The following PIEZO2 variants were observed in gnomAD, a reference collection of about 807,000 sequenced individuals.
PIEZO2 encodes the protein piezo type mechanosensitive ion channel component 2.
A neutral mutation model predicts 337.3 loss-of-function variants in PIEZO2; 172 were observed. The ratio of observed to expected loss-of-function variants is 0.51; its 90% CI spans 0.45 to 0.58. The LOEUF (loss-of-function observed/expected upper bound fraction) is 0.58, where lower values mean the gene tolerates loss of function less well. Ranked by LOEUF, PIEZO2 falls within the 20% of genes least tolerant of loss-of-function variation. The pLI is 0.00. For synonymous variants in PIEZO2, 1,251 were observed against 1,228.5 expected (o/e 1.02, Z -0.38); for missense variants, 3,028 against 3,391.3 (o/e 0.89, Z 2.66).
At position 10,784,629 on chromosome 18, in the gene PIEZO2, CAT is replaced by C. The variant is rs60293448; in HGVS notation, c.2492+153_2492+154del. 0.012 allele frequency among the ~76,000 whole-genome samples: 1,805 copies of C among 152,332 alleles called. 37 individuals carry two copies. The highest frequency in any genetic ancestry group is 0.042 in the African/African-American group (1,733 of 41,562). The stretch of plus-strand genomic sequence containing the variant: ...TCAGAACGTGTCACAGAATCTTCCA[CAT>C]GTTTTCCTCTTTTTCTCACAAGCTG... On this transcript the variant is annotated intron_variant, in intron 17 of 55. Transcript: ENST00000674853. The surrounding 1 kb of genome is among the most constrained non-coding windows in gnomAD (Gnocchi z 4.5).
At chr18:10,975,315 C>T (rs1221416965) in intron 3 of PIEZO2, among the ~76,000 whole-genome samples, 1 of 152,180 alleles carries the variant, frequency 6.6e-6, no homozygotes, top group Non-Finnish European at 1.5e-5. Context: ...TCTGTAATGA[C>T]ATAATTGAAA....
At chr18:10,957,548 C>T (rs944592303) in intron 3 of PIEZO2, among the ~76,000 whole-genome samples, 1 of 152,064 alleles carries the variant, frequency 6.6e-6, no homozygotes, top group Non-Finnish European at 1.5e-5. Flanking sequence ...AATGTAAAAT[C>T]TGAAATTGTA....
rs1433824085 is a variant in PIEZO2 at position 11,077,529 on chromosome 18, G to C, written c.65-11307C>G. On this transcript the variant is annotated intron_variant, in intron 1 of 55. Coordinates refer to ENST00000674853, the MANE Select transcript of PIEZO2 (RefSeq NM_001378183.1). The surrounding 1 kb of genome is among the most constrained non-coding windows in gnomAD (Gnocchi z 4.8). ...CACAAAAAAAGAAAAAACTAGCTGG[G>C]CATGGTGGTGCATGCCTATAGTCCC... Among the ~76,000 whole-genome samples, 52 of 152,136 alleles carry C rather than the reference G, an allele frequency of 3.4e-4. No individual in the cohort carries two copies. Among genetic ancestry groups the C allele is most frequent in the Admixed American group, 3.4e-3 (52 of 15,270 alleles).
intron 3 of PIEZO2, among the ~76,000 whole-genome samples, chr18:10,959,030 C>T (rs1165023421): frequency 1.3e-5 from 2 of 152,106 alleles, no homozygotes; most frequent in African/African-American, 4.8e-5. Flanking sequence ...ACAATGTCTA[C>T]CTATAACTGT....
At chr18:11,075,882 A>C (rs534156694) in intron 1 of PIEZO2, among the ~76,000 whole-genome samples, 1 of 144,358 alleles carries the variant, frequency 6.9e-6, no homozygotes, top group Admixed American at 7.4e-5. Context: ...TCTGCCTCCC[A>C]GGTTCATGCC....
Position 11,127,791 on chromosome 18 carries a change from G to GTGTGCA in PIEZO2, c.64+20733_64+20734insTGCACA. On this transcript the variant is annotated intron_variant, in intron 1 of 55. Transcript: ENST00000674853. This position sits in a 1 kb window ranked among gnomAD's most constrained non-coding sequence, Gnocchi z 4.5. ...ATATGATATATATGCATATACGTGT[G>GTGTGCA]TGTGTGTGTGCATGTGTGTGTGTGT... Among the ~76,000 whole-genome samples, 2 of 77,198 alleles carry GTGTGCA rather than the reference G, an allele frequency of 2.6e-5. No homozygotes were observed. Among genetic ancestry groups the GTGTGCA allele is most frequent in the African/African-American group, 1.3e-4 (2 of 15,824 alleles). 50.6% of individuals were successfully genotyped at this position (77,198 alleles called of 152,430 possible).
Position 10,945,299 on chromosome 18 carries a change from C to G in PIEZO2, c.287-34071G>C, listed in dbSNP as rs1422445989. Among the ~76,000 whole-genome samples the G allele has an allele frequency of 6.6e-6, 1 of 152,168 alleles. No individual in the cohort carries two copies. Among genetic ancestry groups the G allele is most frequent in the Non-Finnish European group, 1.5e-5 (1 of 68,032 alleles). On this transcript the variant is annotated intron_variant, in intron 3 of 55. Coordinates refer to ENST00000674853, the MANE Select transcript of PIEZO2 (RefSeq NM_001378183.1). The surrounding 1 kb of genome is among the most constrained non-coding windows in gnomAD (Gnocchi z 4.0). ...TGCTCAGGGGATCCTCCCACCTCAG[C>G]TTCCCAAAGTGCTGGGATTACAGAT...
intron 36 of PIEZO2, among the ~76,000 whole-genome samples, chr18:10,729,480 T>C (rs1325459537): frequency 6.6e-6 from 1 of 151,882 alleles, no homozygotes; most frequent in African/African-American, 2.4e-5. Context: ...CAAACATTGC[T>C]AGGCGTGGTG....
intron 4 of PIEZO2, among the ~76,000 whole-genome samples, chr18:10,879,675 G>C (rs762237530): frequency 8.5e-5 from 13 of 152,086 alleles, no homozygotes; most frequent in African/African-American, 3.1e-4. Flanking sequence ...GATTACAGGC[G>C]TGAGCCACCG....
At chr18:10,764,448 C>T (rs934989346) in intron 21 of PIEZO2, among the ~76,000 whole-genome samples, 7 of 151,894 alleles carry the variant, frequency 4.6e-5, no homozygotes, top group Non-Finnish European at 8.8e-5. Flanking sequence ...AAGACCGGCC[C>T]GGCCAAGATG....
chr18:10,830,177 A>G lies in PIEZO2; in HGVS notation c.918-22903T>C, dbSNP rs921268064. ...ACTTGCTTTTGACAAAGGTGCTAAG[A>G]ACATACACATGGGAAAGGACAGTCT... is the stretch of plus-strand genomic sequence containing the variant. On this transcript the variant is annotated intron_variant, in intron 7 of 55. Transcript: ENST00000674853. The surrounding 1 kb of genome is among the most constrained non-coding windows in gnomAD (Gnocchi z 4.7). Among the ~76,000 whole-genome samples, 21 of 152,204 alleles carry G rather than the reference A, an allele frequency of 1.4e-4. No homozygotes were observed. The highest frequency in any genetic ancestry group is 3.2e-3 in the Middle Eastern group (1 of 316).
In PIEZO2 at chr18:10,678,776, C is replaced by T. The variant is rs187564999; in HGVS notation, c.7953-901G>A. On this transcript the variant is annotated intron_variant, in intron 52 of 55. Transcript: ENST00000674853. ...CAAAGCAGGGGCCACGTGCTGGCCA[C>T]TGGCTCAGGCTGGGCAGAGAGGACT... Among the ~76,000 whole-genome samples the T allele has an allele frequency of 2.8e-4, 43 of 152,202 alleles. No individual in the cohort carries two copies. The East Asian group carries it at 7.7e-3, about 27-fold the overall frequency.
Position 11,035,559 on chromosome 18 carries a change from A to G in PIEZO2, c.160+30568T>C, listed in dbSNP as rs1019503938. Among the ~76,000 whole-genome samples, 1 of 152,206 alleles carries G rather than the reference A, an allele frequency of 6.6e-6. No homozygotes were observed. The highest frequency in any genetic ancestry group is 6.5e-5 in the Admixed American group (1 of 15,284). On this transcript the variant is annotated intron_variant, in intron 2 of 55. Transcript: ENST00000674853. The surrounding 1 kb of genome is among the most constrained non-coding windows in gnomAD (Gnocchi z 4.3). ...ATGGGCTAACACAACTCCTCTTGCC[A>G]GCAGGGGACACATGCAATTTACTTG...
At chr18:10,705,066 T>TTCCTG (rs143012632) in intron 41 of PIEZO2, among the ~76,000 whole-genome samples, 2,146 of 152,258 alleles carry the variant, frequency 0.014, 59 homozygotes, top group African/African-American at 0.048. Flanking sequence ...CGGCTTCCTG[T>TTCCTG]TTTTCCTTCA....
At position 10,787,166 on chromosome 18, in the gene PIEZO2, T is replaced by C. The variant is rs1239754431; in HGVS notation, c.2188A>G (p.Arg730Gly). 6.5e-7 allele frequency: 1 copy of C among 1,530,752 alleles called. No individual in the cohort carries two copies. The highest frequency in any genetic ancestry group is 1.4e-5 in the African/African-American group (1 of 72,674). 94.8% of individuals were successfully genotyped at this position (1,530,752 alleles called of 1,614,324 possible). The change falls in exon 16 of 56, where the codon AGG (arginine) becomes GGG (glycine). Residue 730 changes from arginine (R) to glycine (G), a missense_variant. Transcript: ENST00000674853. ...ATCCAAAAATATTTTAGAATTTTCC[T>C]CCACCATTCATAGTGCACCTGCAAA... ...ALYQVHYEWWRKILKYFWMSV... is the reference protein window; with the variant it reads ...ALYQVHYEWWGKILKYFWMSV...
In PIEZO2 at chr18:10,833,248, C is replaced by A. The variant is rs185407884; in HGVS notation, c.917+22105G>T. ...AGACAGAAGCCCAGGGTAACAGGTA[C>A]CCTGGGTGCGTCAGTGGCAGCACAG... is the stretch of plus-strand genomic sequence containing the variant. On this transcript the variant is annotated intron_variant, in intron 7 of 55. Coordinates refer to ENST00000674853, the MANE Select transcript of PIEZO2 (RefSeq NM_001378183.1). This position sits in a 1 kb window ranked among gnomAD's most constrained non-coding sequence, Gnocchi z 4.7. 6.6e-6 allele frequency among the ~76,000 whole-genome samples: 1 copy of A among 152,216 alleles called. No individual in the cohort carries two copies. Among genetic ancestry groups the A allele is most frequent in the East Asian group, 1.9e-4 (1 of 5,170 alleles).
At chr18:11,065,641 A>T (rs2038121018) in intron 2 of PIEZO2, among the ~76,000 whole-genome samples, 1 of 152,218 alleles carries the variant, frequency 6.6e-6, no homozygotes, top group African/African-American at 2.4e-5. Context: ...CTATTGAGAC[A>T]TATTTAAGAA....
chr18:10,731,177 TTATATATATATATATATATATATATATA>T (rs60508630), intron 36 of PIEZO2, among the ~76,000 whole-genome samples: 1 of 35,234 alleles, frequency 2.8e-5, no homozygotes, highest in Non-Finnish European at 4.9e-5. Context: ...ACTTAAAAGA[TTATATATATATATATATATATATATATA>T]TATATATATA....
chr18:11,085,835 G>A (rs928360917), intron 1 of PIEZO2, among the ~76,000 whole-genome samples: 1 of 105,852 alleles, frequency 9.4e-6, no homozygotes, highest in Admixed American at 8.9e-5. Context: ...TGCTACTTTG[G>A]CAAGAAAGGA....
Sources: gnomAD v4.1 joint callset for allele counts (sites outside exome capture counted in the v4.1 genomes callset) on GRCh38, gnomAD v4.1.1 for gene constraint, Gnocchi (gnomAD v3.1) non-coding constraint, MANE v1.5 for transcripts, NCBI Gene and HGNC (gene_info 2026-07-23, HGNC 2026-07-21) for gene names.